ADK: variants seen among roughly 807,000 people sequenced by gnomAD.
The protein encoded by ADK is adenosine kinase, also known as N6,N6-dimethyladenosine kinase.
Under a neutral mutation model 44.7 loss-of-function variants are expected in ADK, and 24 were observed. The observed-to-expected ratio is 0.54, with a 90% CI of 0.39 to 0.76. The LOEUF is 0.76. ADK is among the 30% of genes least tolerant of loss of function. The pLI, the probability that ADK is intolerant of heterozygous loss-of-function variation, is 0.00. For synonymous variants in ADK, 128 were observed against 142.6 expected (o/e 0.90, Z 0.73); for missense variants, 321 against 425.1 (o/e 0.76, Z 2.15).
chr10:74,701,233 C>G (rs1856406607), intron 10 of ADK, among the ~76,000 whole-genome samples: 1 of 152,160 alleles, frequency 6.6e-6, no homozygotes, highest in South Asian at 2.1e-4. Flanking sequence ...TGGAGATGGA[C>G]TAGAATTGGA....
intron 10 of ADK, among the ~76,000 whole-genome samples, chr10:74,698,207 C>G (rs1358372737): frequency 6.6e-6 from 1 of 152,152 alleles, no homozygotes; most frequent in Non-Finnish European, 1.5e-5. Context: ...GTTGATACGC[C>G]TATGTGTAAC....
chr10:74,431,185 A>C (rs572970908), intron 6 of ADK, among the ~76,000 whole-genome samples: 2 of 152,022 alleles, frequency 1.3e-5, no homozygotes, highest in African/African-American at 4.8e-5. Context: ...AGAAGAGCTC[A>C]CAAAAATTTT....
chr10:74,510,595 G>A (rs1848265974), intron 6 of ADK, among the ~76,000 whole-genome samples: 1 of 151,938 alleles, frequency 6.6e-6, no homozygotes, highest in Non-Finnish European at 1.5e-5. Context: ...TTTTACTTTT[G>A]TTGCTTGTGC....
rs116653664 is a variant in ADK at position 74,708,343 on chromosome 10, T to C, written c.987T>C (p.Ser329=). Residue 329 remains serine, a synonymous_variant, in exon 11 of 11, where the codon TCT becomes TCC. Coordinates refer to ENST00000539909, the MANE Select transcript of ADK (RefSeq NM_006721.4). ...FVGGFLSQLV[S]DKPLTECIRA... ...TAGGTTTTCTGTCTCAACTGGTCTC[T>C]GACAAGCCTCTGACTGAATGTATCC... 8.4e-4 allele frequency: 1,354 copies of C among 1,611,802 alleles called. 13 individuals carry two copies. The African/African-American group carries it at 0.016, about 19-fold the overall frequency.
intron 6 of ADK, among the ~76,000 whole-genome samples, chr10:74,481,861 T>C (rs1847086173): frequency 3.3e-5 from 5 of 152,240 alleles, no homozygotes; most frequent in Admixed American, 2.0e-4. Context: ...GATGCACATA[T>C]GCCAGTTCAA....
chr10:74,332,982 G>C (rs1841271961), intron 4 of ADK, among the ~76,000 whole-genome samples: 1 of 151,976 alleles, frequency 6.6e-6, no homozygotes, highest in Non-Finnish European at 1.5e-5. Flanking sequence ...ACTTACTACT[G>C]TTCCTCTTAA....
chr10:74,464,325 A>G, intron 6 of ADK, among the ~76,000 whole-genome samples: 1 of 152,010 alleles, frequency 6.6e-6, no homozygotes, highest in Non-Finnish European at 1.5e-5. Flanking sequence ...GGCAAAAGGA[A>G]CATTTGAGCC....
chr10:74,262,928 T>C (rs937202628), intron 3 of ADK, among the ~76,000 whole-genome samples: 1 of 152,220 alleles, frequency 6.6e-6, no homozygotes, highest in Non-Finnish European at 1.5e-5. Context: ...GAACAGAGTG[T>C]CTTGTTGTGG....
At chr10:74,531,479 T>G (rs1259234870) in intron 7 of ADK, among the ~76,000 whole-genome samples, 2 of 152,192 alleles carry the variant, frequency 1.3e-5, no homozygotes, top group Non-Finnish European at 2.9e-5. Context: ...TTAAAACCCT[T>G]GCTACAAAGA....
intron 1 of ADK, among the ~76,000 whole-genome samples, chr10:74,152,555 G>C (rs1174587060): frequency 6.6e-6 from 1 of 152,110 alleles, no homozygotes; most frequent in Non-Finnish European, 1.5e-5. Context: ...CTGGAAGACA[G>C]ATGCAACTTT....
intron 8 of ADK, among the ~76,000 whole-genome samples, chr10:74,596,582 G>C (rs976413039): frequency 6.6e-6 from 1 of 150,452 alleles, no homozygotes; most frequent in African/African-American, 2.5e-5. Flanking sequence ...GTCTGGCTCT[G>C]TTGCCCACGC....
At chr10:74,485,535 A>G (rs1484969723) in intron 6 of ADK, among the ~76,000 whole-genome samples, 7 of 152,008 alleles carry the variant, frequency 4.6e-5, no homozygotes, top group African/African-American at 1.7e-4. Context: ...GGAAATTCAA[A>G]TGTAATCCAC....
intron 4 of ADK, among the ~76,000 whole-genome samples, chr10:74,364,687 GGTGTGTGTGTGTGTGT>G (rs58295310): frequency 0.11 from 15,630 of 136,292 alleles, 1,047 homozygotes; most frequent in Middle Eastern, 0.16. Flanking sequence ...CAAAGGCTAT[GGTGTGTGTGTGTGTGT>G]GTGTGTGTGT....
intron 1 of ADK, among the ~76,000 whole-genome samples, chr10:74,171,810 CTGTGTGTGTGTGTGTG>C (rs144943440): frequency 7.6e-5 from 11 of 143,994 alleles, no homozygotes; most frequent in Non-Finnish European, 1.7e-4. Context: ...CTCTGTCTCT[CTGTGTGTGTGTGTGTG>C]TGTGTGTGTG....
intron 10 of ADK, among the ~76,000 whole-genome samples, chr10:74,672,050 C>T (rs11001105): frequency 0.43 from 65,306 of 152,004 alleles, 16,097 homozygotes; most frequent in Middle Eastern, 0.59. Context: ...GTGGTTACAA[C>T]GATAAATAAA....
At chr10:74,352,977 T>C (rs1470831963) in intron 4 of ADK, among the ~76,000 whole-genome samples, 2 of 152,176 alleles carry the variant, frequency 1.3e-5, no homozygotes, top group Non-Finnish European at 2.9e-5. Flanking sequence ...GAGTGTAAAT[T>C]AGTTCAACCG....
intron 6 of ADK, among the ~76,000 whole-genome samples, chr10:74,493,475 TAG>T (rs1336101942): frequency 4.6e-5 from 7 of 151,274 alleles, no homozygotes; most frequent in South Asian, 4.2e-4. Flanking sequence ...GAGATATATA[TAG>T]AGAGATATAT....
At chr10:74,205,556 A>T (rs1467712999) in intron 2 of ADK, among the ~76,000 whole-genome samples, 1 of 151,652 alleles carries the variant, frequency 6.6e-6, no homozygotes. Context: ...TGTGCCTGTA[A>T]TCCCAGATAC....
chr10:74,373,253 A>AC (rs1171569890), intron 4 of ADK, among the ~76,000 whole-genome samples: 1 of 152,148 alleles, frequency 6.6e-6, no homozygotes, highest in East Asian at 1.9e-4. Context: ...TGGGCATGGG[A>AC]TATGAGCTGG....
Sources: allele counts gnomAD v4.1 joint callset (sites outside exome capture counted in the v4.1 genomes callset), GRCh38; gene constraint gnomAD v4.1.1; transcripts MANE v1.5; gene names NCBI Gene and HGNC (gene_info 2026-07-23, HGNC 2026-07-21).